EEPD1: variants seen among roughly 807,000 people sequenced by gnomAD.
The protein encoded by EEPD1 is endonuclease/exonuclease/phosphatase family domain containing 1.
Under a neutral mutation model 46.3 loss-of-function variants are expected in EEPD1, and 17 were observed. The observed-to-expected ratio is 0.37, with a 90% confidence interval of 0.25 to 0.55. EEPD1 has a LOEUF of 0.55. EEPD1 is among the 20% of genes least tolerant of loss of function. EEPD1 has a pLI of 0.83. For missense variants in EEPD1, 673 were observed against 745.6 expected (o/e 0.90, Z 1.13); for synonymous variants, 313 against 315.6 (o/e 0.99, Z 0.09).
intron 3 of EEPD1, among the ~76,000 whole-genome samples, chr7:36,251,640 C>G (rs1463932451): frequency 6.6e-6 from 1 of 152,136 alleles, no homozygotes; most frequent in Non-Finnish European, 1.5e-5. Flanking sequence ...AAGGTAAATT[C>G]TCATCCTACA....
At chr7:36,181,580 C>T (rs1283403076) in intron 2 of EEPD1, among the ~76,000 whole-genome samples, 3 of 152,210 alleles carry the variant, frequency 2.0e-5, no homozygotes, top group African/African-American at 7.2e-5. Context: ...GTGGCTCCCT[C>T]ATGTGCCTAG....
At chr7:36,252,310 C>G (rs1786760826) in intron 3 of EEPD1, among the ~76,000 whole-genome samples, 2 of 152,302 alleles carry the variant, frequency 1.3e-5, no homozygotes, top group Admixed American at 6.5e-5. Context: ...ACAGGAGAGC[C>G]AGGTTTATTC....
chr7:36,252,176 C>T (rs563877191), intron 3 of EEPD1, among the ~76,000 whole-genome samples: 1 of 152,162 alleles, frequency 6.6e-6, no homozygotes, highest in South Asian at 2.1e-4. Context: ...AATATCCATG[C>T]GGATTACAGA....
intron 3 of EEPD1, among the ~76,000 whole-genome samples, chr7:36,279,691 C>A (rs1418046215): frequency 2.6e-5 from 4 of 152,222 alleles, no homozygotes; most frequent in Non-Finnish European, 5.9e-5. Context: ...AGCTCTCAAA[C>A]CCAAGCGTGC....
chr7:36,292,225 T>G, intron 6 of EEPD1, among the ~76,000 whole-genome samples: 1 of 152,154 alleles, frequency 6.6e-6, no homozygotes, highest in East Asian at 1.9e-4. Context: ...GTTCTTTCCC[T>G]TTTATAGACT....
Position 36,208,221 on chromosome 7 carries a change from G to T in EEPD1, c.879-30764G>T, listed in dbSNP as rs561502049. ...TGACTGGATGGGGGTGGGGTAGGCA[G>T]GCTTACTGGGGCCAGAGGCACAGGC... On this transcript the variant is annotated intron_variant, in intron 2 of 7. Transcript: ENST00000242108. Among the ~76,000 whole-genome samples, 12 of 152,270 alleles carry T rather than the reference G, an allele frequency of 7.9e-5. No homozygotes were observed. In the South Asian group the frequency reaches 2.5e-3, roughly 32 times the overall value.
At chr7:36,264,166 G>A (rs1292269595) in intron 3 of EEPD1, among the ~76,000 whole-genome samples, 1 of 152,202 alleles carries the variant, frequency 6.6e-6, no homozygotes, top group African/African-American at 2.4e-5. Context: ...CAGAATTGCA[G>A]TTTGGTCTCT....
intron 2 of EEPD1, among the ~76,000 whole-genome samples, chr7:36,210,403 G>A (rs1785906137): frequency 6.6e-6 from 1 of 152,186 alleles, no homozygotes; most frequent in Non-Finnish European, 1.5e-5. Flanking sequence ...CAACAAAATA[G>A]TTCTAAGATT....
At chr7:36,237,732 CT>C (rs1786480715) in intron 2 of EEPD1, among the ~76,000 whole-genome samples, 1 of 152,180 alleles carries the variant, frequency 6.6e-6, no homozygotes, top group Admixed American at 6.5e-5. Flanking sequence ...GGGTGGATCA[CT>C]TGAAGCCGGG....
chr7:36,166,540 G>C (rs955793847), intron 2 of EEPD1, among the ~76,000 whole-genome samples: 1 of 151,770 alleles, frequency 6.6e-6, no homozygotes, highest in Non-Finnish European at 1.5e-5. Context: ...TGGCGACATA[G>C]CGAGACCCCT....
chr7:36,205,002 A>G (rs1462934467), intron 2 of EEPD1, among the ~76,000 whole-genome samples: 3 of 152,178 alleles, frequency 2.0e-5, no homozygotes, highest in Admixed American at 1.3e-4. Context: ...AGCTGTGCAT[A>G]AAGCCAGGGA....
chr7:36,288,716 C>T (rs1331256584), intron 6 of EEPD1, among the ~76,000 whole-genome samples: 6 of 151,038 alleles, frequency 4.0e-5, no homozygotes, highest in Non-Finnish European at 5.9e-5. Context: ...GAGCTTTGAT[C>T]GCACCACTGT....
In EEPD1 at chr7:36,211,797, C is replaced by T. The variant is rs989545566; in HGVS notation, c.879-27188C>T. Among the ~76,000 whole-genome samples the T allele has an allele frequency of 7.9e-5, 12 of 151,938 alleles. No homozygotes were observed. The South Asian group carries it at 1.0e-3, about 13-fold the overall frequency. ...AAAATTAGCCAGGCGTGGTGGCAAG[C>T]GCCTGTAAACCCAGCTACTCAGGAG... On this transcript the variant is annotated intron_variant, in intron 2 of 7. Coordinates refer to ENST00000242108, the MANE Select transcript of EEPD1 (RefSeq NM_030636.3).
chr7:36,299,408 G>A lies in EEPD1; in HGVS notation c.*202G>A, dbSNP rs1787581895. 2 of 649,486 alleles carry A rather than the reference G, an allele frequency of 3.1e-6. No homozygotes were observed. The highest frequency in any genetic ancestry group is 4.0e-5 in the South Asian group (2 of 49,818). The allele number at this position is 649,486 out of a possible 1,614,324, so 40.2% of individuals were successfully genotyped here. ...GCGTGCCAGGCGCGTACCCCACCAG[G>A]TGGGCAAAGCAGAAACCTGCGGGGA... On this transcript the variant is annotated 3_prime_UTR_variant, in exon 8 of 8. Transcript: ENST00000242108.
At chr7:36,157,031 C>A (rs1434660816) in intron 2 of EEPD1, among the ~76,000 whole-genome samples, 1 of 151,954 alleles carries the variant, frequency 6.6e-6, no homozygotes, top group African/African-American at 2.4e-5. Context: ...TCTTGTCATT[C>A]CCTAAACAAT....
chr7:36,282,865 A>G (rs139753099), intron 4 of EEPD1, among the ~76,000 whole-genome samples: 1 of 152,346 alleles, frequency 6.6e-6, no homozygotes, highest in African/African-American at 2.4e-5. Context: ...TTTCATTTTA[A>G]TGGGAAATTT....
intron 2 of EEPD1, among the ~76,000 whole-genome samples, chr7:36,175,708 C>T (rs762435322): frequency 6.6e-6 from 1 of 152,144 alleles, no homozygotes; most frequent in African/African-American, 2.4e-5. Flanking sequence ...AGCTCAGTGT[C>T]TTCAGACACT....
intron 2 of EEPD1, among the ~76,000 whole-genome samples, chr7:36,222,814 T>C (rs931449127): frequency 1.3e-5 from 2 of 152,108 alleles, no homozygotes; most frequent in African/African-American, 4.8e-5. Context: ...AACCCTCATG[T>C]CCTAATCACC....
At chr7:36,197,057 G>A (rs6462659) in intron 2 of EEPD1, among the ~76,000 whole-genome samples, 84,439 of 138,130 alleles carry the variant, frequency 0.61, 26,313 homozygotes, top group East Asian at 0.85. Context: ...GCCTCGGCCC[G>A]GCCACGACCC....
Sources: gnomAD v4.1 joint callset for allele counts (sites outside exome capture counted in the v4.1 genomes callset) on GRCh38, gnomAD v4.1.1 for gene constraint, MANE v1.5 for transcripts, NCBI Gene and HGNC (gene_info 2026-07-23, HGNC 2026-07-21) for gene names.